SOX21: variants seen among roughly 807,000 people sequenced by gnomAD.
The protein encoded by SOX21 is SRY-box transcription factor 21.
For synonymous variants in SOX21, 237 were observed against 189.7 expected (o/e 1.25, Z -2.05); for missense variants, 370 against 388.8 (o/e 0.95, Z 0.41).
Position 94,711,688 on chromosome 13 carries a change from GC to G in SOX21, c.361del (p.Ala121ArgfsTer115). 2 of 1,470,984 alleles carry G rather than the reference GC, an allele frequency of 1.4e-6. No individual in the cohort carries two copies. Among genetic ancestry groups the G allele is most frequent in the Non-Finnish European group, 1.8e-6 (2 of 1,114,282 alleles). The allele number at this position is 1,470,984 out of a possible 1,614,324, so 91.1% of individuals were successfully genotyped here. ...LKAGAGLHAG[A>X]GGGLVPESLL... The stretch of plus-strand genomic sequence containing the variant: ...CGACTCAGGCACCAGGCCGCCGCCC[GC>G]CCCCGCGTGCAGCCCGGCGCCCGCC... On this transcript the variant is annotated frameshift_variant, in exon 1 of 1. Transcript: ENST00000376945. LOFTEE classifies it low-confidence loss of function (END_TRUNC).
In SOX21 at chr13:94,711,021, G is replaced by T; in HGVS notation, c.*198C>A. On this transcript the variant is annotated 3_prime_UTR_variant, in exon 1 of 1. Transcript: ENST00000376945. ...CTGAAATGATCCTGCGAATTCACAG[G>T]CCTGCTCGCCCGCGCCCTTGCGCGC... 2.3e-6 allele frequency: 1 copy of T among 436,932 alleles called. No individual in the cohort carries two copies. The highest frequency in any genetic ancestry group is 3.8e-6 in the Non-Finnish European group (1 of 263,852). 27.1% of individuals were successfully genotyped at this position (436,932 alleles called of 1,614,324 possible).
rs1459441512 is a variant in SOX21, at chr13:94,710,105, A to G, written c.*1114T>C. 1.3e-5 allele frequency: 2 copies of G among 152,212 alleles called. No homozygotes were observed. Among genetic ancestry groups the G allele is most frequent in the East Asian group, 3.8e-4 (2 of 5,196 alleles). 9.4% of individuals were successfully genotyped at this position (152,212 alleles called of 1,614,324 possible). ...TTCAGTTTTGCTAAATAATAAATATATAATTACCAGACAAAAAAGTCTGAT... is the reference window on the plus strand; with the variant it reads ...TTCAGTTTTGCTAAATAATAAATATGTAATTACCAGACAAAAAAGTCTGAT... On this transcript the variant is annotated 3_prime_UTR_variant, in exon 1 of 1. Transcript: ENST00000376945.
In SOX21 at chr13:94,709,677, C is replaced by G. The variant is rs147081694; in HGVS notation, c.*1542G>C. Reference sequence around the variant, plus strand: ...AAACTCTTTGTTCAAAAAAAATGAACAGAGTGATAGTCGGATTCTAATTTA... The same window carrying G: ...AAACTCTTTGTTCAAAAAAAATGAAGAGAGTGATAGTCGGATTCTAATTTA... On this transcript the variant is annotated 3_prime_UTR_variant, in exon 1 of 1. Transcript: ENST00000376945. 6.5e-4 allele frequency: 100 copies of G among 152,682 alleles called. No homozygotes were observed. The highest frequency in any genetic ancestry group is 1.5e-3 in the East Asian group (8 of 5,186). The allele number at this position is 152,682 out of a possible 1,614,324, so 9.5% of individuals were successfully genotyped here.
In SOX21 at chr13:94,710,340, C is replaced by A. The variant is rs1875199352; in HGVS notation, c.*879G>T. The stretch of plus-strand genomic sequence containing the variant: ...GCCATAAGGGAAAATAGGAGCAGTG[C>A]CTTTTTCCTTTTTTGTAAACTGTGT... On this transcript the variant is annotated 3_prime_UTR_variant, in exon 1 of 1. Coordinates refer to ENST00000376945, the MANE Select transcript of SOX21 (RefSeq NM_007084.4). 6.6e-6 allele frequency: 1 copy of A among 152,610 alleles called. No individual in the cohort carries two copies. The highest frequency in any genetic ancestry group is 2.4e-5 in the African/African-American group (1 of 41,434). 9.5% of individuals were successfully genotyped at this position (152,610 alleles called of 1,614,324 possible). A position where few individuals can be genotyped will look rare whatever the true frequency, so the allele number is the denominator to read the frequency against.
At position 94,711,548 on chromosome 13, in the gene SOX21, T is replaced by G. The variant is rs1875248635; in HGVS notation, c.502A>C (p.Ser168Arg). 8.0e-6 allele frequency: 8 copies of G among 998,778 alleles called. No individual in the cohort carries two copies. The highest frequency in any genetic ancestry group is 4.3e-5 in the South Asian group (1 of 23,284). The allele number at this position is 998,778 out of a possible 1,614,324, so 61.9% of individuals were successfully genotyped here. The change falls in exon 1 of 1, where the codon AGC becomes CGC. Residue 168 changes from serine (S) to arginine (R), a missense_variant. Ser to Arg is a moderately radical substitution (Grantham distance 110). Transcript: ENST00000376945. ...AAAAAAAAAG[S>R]PYSLLDLGSK... The stretch of plus-strand genomic sequence containing the variant: ...CCCAGGTCGAGCAGCGAGTAGGGGC[T>G]GCCCGCGGCGGCGGCGGCGGCGGCA...
Position 94,711,504 on chromosome 13 carries a change from G to A in SOX21, c.546C>T (p.Ile182=). The part of the protein sequence containing the change: ...LLDLGSKMAE[I]SSSSSGLPYA... Reference sequence around the variant, plus strand: ...ACGGGAGGCCGGACGAGGACGACGAGATCTCTGCCATTTTGGAGCCCAGGT... The same window carrying A: ...ACGGGAGGCCGGACGAGGACGACGAAATCTCTGCCATTTTGGAGCCCAGGT... The change falls in exon 1 of 1, where the codon ATC becomes ATT. Residue 182 remains isoleucine, a synonymous_variant. Coordinates refer to ENST00000376945, the MANE Select transcript of SOX21 (RefSeq NM_007084.4). The A allele has an allele frequency of 9.7e-7, 1 of 1,033,120 alleles. No homozygotes were observed. The highest frequency in any genetic ancestry group is 1.2e-6 in the Non-Finnish European group (1 of 852,596). 64.0% of individuals were successfully genotyped at this position (1,033,120 alleles called of 1,614,324 possible).
rs751174233 is a variant in SOX21, at chr13:94,711,836, G to A, written c.214C>T (p.His72Tyr). 1 of 1,613,972 alleles carries A rather than the reference G, an allele frequency of 6.2e-7. No individual in the cohort carries two copies. The change falls in exon 1 of 1, where the codon CAC becomes TAC. Residue 72 changes from histidine to tyrosine, a missense_variant. Coordinates refer to ENST00000376945, the MANE Select transcript of SOX21 (RefSeq NM_007084.4). Reference sequence around the variant, plus strand: ...CGCGGCCGGTACTTGTAGTCGGGGTGCTCCTTCATGTGCATGGCGCGTAGA... The same window carrying A: ...CGCGGCCGGTACTTGTAGTCGGGGTACTCCTTCATGTGCATGGCGCGTAGA... The part of the protein sequence containing the change: ...KRLRAMHMKE[H>Y]PDYKYRPRRK...
rs1160138288 is a variant in SOX21 at position 94,712,061 on chromosome 13, G to A, written c.-12C>T. 5 of 1,609,632 alleles carry A rather than the reference G, an allele frequency of 3.1e-6. No individual in the cohort carries two copies. The Admixed American group carries it at 5.0e-5, about 16-fold the overall frequency. ...ACCGGCTTGGACATGCTCTCGCCCT[G>A]CCGCGGCTGCAGCCCGCCGCCTCCC... On this transcript the variant is annotated 5_prime_UTR_variant, in exon 1 of 1. Transcript: ENST00000376945. This position sits in a 1 kb window ranked among gnomAD's most constrained non-coding sequence, Gnocchi z 5.0.
In SOX21 at chr13:94,712,451, A is replaced by C. The variant is rs1942173554; in HGVS notation, c.-402T>G. On this transcript the variant is annotated 5_prime_UTR_variant, in exon 1 of 1. Transcript: ENST00000376945. This position sits in a 1 kb window ranked among gnomAD's most constrained non-coding sequence, Gnocchi z 5.0. ...TCTCTTAAATGCAAAGCGTCCCCAA[A>C]AGTTGCGTCGCGGAGACTCCTCGAA... 22 of 988,180 alleles carry C rather than the reference A, an allele frequency of 2.2e-5. No homozygotes were observed. Among genetic ancestry groups the C allele is most frequent in the Non-Finnish European group, 2.5e-5 (21 of 833,032 alleles). 61.2% of individuals were successfully genotyped at this position (988,180 alleles called of 1,614,324 possible). A position where few individuals can be genotyped will look rare whatever the true frequency, so the allele number is the denominator to read the frequency against.
Position 94,711,333 on chromosome 13 carries a change from G to A in SOX21, c.717C>T (p.Asn239=), listed in dbSNP as rs757259113. ...PGNPGYMIPC[N]CSAWPSPGLQ... ...GCCCGGGGCTGGGCCACGCGCTGCAGTTGCACGGGATCATGTAGCCCGGGT... is the reference window on the plus strand; with the variant it reads ...GCCCGGGGCTGGGCCACGCGCTGCAATTGCACGGGATCATGTAGCCCGGGT... Residue 239 remains asparagine, a synonymous_variant, in exon 1 of 1, where the codon AAC becomes AAT. Coordinates refer to ENST00000376945, the MANE Select transcript of SOX21 (RefSeq NM_007084.4). The A allele has an allele frequency of 2.5e-5, 33 of 1,301,304 alleles. No homozygotes were observed. The East Asian group carries it at 9.7e-4, about 38-fold the overall frequency. The allele number at this position is 1,301,304 out of a possible 1,614,324, so 80.6% of individuals were successfully genotyped here. A position where few individuals can be genotyped will look rare whatever the true frequency, so the allele number is the denominator to read the frequency against.
Position 94,712,124 on chromosome 13 carries a change from C to A in SOX21, c.-75G>T. ...TCGGCCCGGAGGAAATCAATGTTGG[C>A]TGCCCGCGGAGACCCGCTCGGCCGG... is the stretch of plus-strand genomic sequence containing the variant. On this transcript the variant is annotated 5_prime_UTR_variant, in exon 1 of 1. Coordinates refer to ENST00000376945, the MANE Select transcript of SOX21 (RefSeq NM_007084.4). This position sits in a 1 kb window ranked among gnomAD's most constrained non-coding sequence, Gnocchi z 5.0. 1 of 1,515,270 alleles carries A rather than the reference C, an allele frequency of 6.6e-7. No homozygotes were observed. Among genetic ancestry groups the A allele is most frequent in the Non-Finnish European group, 8.8e-7 (1 of 1,133,928 alleles). 93.9% of individuals were successfully genotyped at this position (1,515,270 alleles called of 1,614,324 possible).
rs1875198212 is a variant in SOX21, at chr13:94,710,287, A to T, written c.*932T>A. On this transcript the variant is annotated 3_prime_UTR_variant, in exon 1 of 1. Transcript: ENST00000376945. Reference sequence around the variant, plus strand: ...AGCCTCAATGTTTTCACTGACATATACACATTTACAATCTTAAGGTGAACT... The same window carrying T: ...AGCCTCAATGTTTTCACTGACATATTCACATTTACAATCTTAAGGTGAACT... 1 of 152,646 alleles carries T rather than the reference A, an allele frequency of 6.6e-6. No individual in the cohort carries two copies. The highest frequency in any genetic ancestry group is 2.4e-5 in the African/African-American group (1 of 41,458). 9.5% of individuals were successfully genotyped at this position (152,646 alleles called of 1,614,324 possible).
In SOX21 at chr13:94,709,689, C is replaced by T. The variant is rs1052992657; in HGVS notation, c.*1530G>A. ...CAAAAAAAATGAACAGAGTGATAGT[C>T]GGATTCTAATTTACAGATATACCTT... is the stretch of plus-strand genomic sequence containing the variant. On this transcript the variant is annotated 3_prime_UTR_variant, in exon 1 of 1. Coordinates refer to ENST00000376945, the MANE Select transcript of SOX21 (RefSeq NM_007084.4). 1.6e-4 allele frequency: 24 copies of T among 152,492 alleles called. No homozygotes were observed. The highest frequency in any genetic ancestry group is 5.6e-4 in the African/African-American group (23 of 41,386). The allele number at this position is 152,492 out of a possible 1,614,324, so 9.4% of individuals were successfully genotyped here.
rs1875231674 is a variant in SOX21 at position 94,711,311 on chromosome 13, C to T, written c.739G>A (p.Gly247Arg). 1 of 1,329,708 alleles carries T rather than the reference C, an allele frequency of 7.5e-7. No homozygotes were observed. The highest frequency in any genetic ancestry group is 9.6e-7 in the Non-Finnish European group (1 of 1,046,192). The allele number at this position is 1,329,708 out of a possible 1,614,324, so 82.4% of individuals were successfully genotyped here. A position where few individuals can be genotyped will look rare whatever the true frequency, so the allele number is the denominator to read the frequency against. Residue 247 changes from glycine (G) to arginine (R), a missense_variant, in exon 1 of 1, where the codon GGG becomes AGG. By Grantham distance (125) the Gly-to-Arg change is moderately radical. Coordinates refer to ENST00000376945, the MANE Select transcript of SOX21 (RefSeq NM_007084.4). The part of the protein sequence containing the change: ...PCNCSAWPSP[G>R]LQPPLAYILL... ...ATGTAGGCGAGCGGCGGCTGCAGCC[C>T]GGGGCTGGGCCACGCGCTGCAGTTG...
Position 94,711,467 on chromosome 13 carries a change from G to T in SOX21, c.583C>A (p.Leu195Met). 1 of 1,043,108 alleles carries T rather than the reference G, an allele frequency of 9.6e-7. No homozygotes were observed. The highest frequency in any genetic ancestry group is 8.0e-5 in the East Asian group (1 of 12,506). 64.6% of individuals were successfully genotyped at this position (1,043,108 alleles called of 1,614,324 possible). Residue 195 changes from leucine to methionine, a missense_variant, in exon 1 of 1, where the codon CTG becomes ATG. Physicochemically the swap from Leu to Met is conservative, Grantham distance 15. Transcript: ENST00000376945. ...CCCGCGCCCGCGGTCGGGTAGCCCAGCGACGACGCGTACGGGAGGCCGGAC... is the reference window on the plus strand; with the variant it reads ...CCCGCGCCCGCGGTCGGGTAGCCCATCGACGACGCGTACGGGAGGCCGGAC... ...SSSGLPYASS[L>M]GYPTAGAGAF...
rs1269802467 is a variant in SOX21 at position 94,709,777 on chromosome 13, C to T, written c.*1442G>A. On this transcript the variant is annotated 3_prime_UTR_variant, in exon 1 of 1. Transcript: ENST00000376945. ...ATCATTTACACATAAAGGTTAAAAC[C>T]ATATTTAAAATTTTAAAAACTTTAT... The T allele has an allele frequency of 6.6e-6, 1 of 152,472 alleles. No individual in the cohort carries two copies. Among genetic ancestry groups the T allele is most frequent in the Non-Finnish European group, 1.5e-5 (1 of 68,000 alleles). The allele number at this position is 152,472 out of a possible 1,614,324, so 9.4% of individuals were successfully genotyped here.
rs1021966697 is a variant in SOX21, at chr13:94,712,198, TGG to T, written c.-151_-150del. ...TCGCTCCCGCCCCGGAGGAGGGGGC[TGG>T]GGGACCAGCCCAGGGCCACGCCGCG... On this transcript the variant is annotated 5_prime_UTR_variant, in exon 1 of 1. Coordinates refer to ENST00000376945, the MANE Select transcript of SOX21 (RefSeq NM_007084.4). This position sits in a 1 kb window ranked among gnomAD's most constrained non-coding sequence, Gnocchi z 5.0. 148 of 1,363,670 alleles carry T rather than the reference TGG, an allele frequency of 1.1e-4. No individual in the cohort carries two copies. The African/African-American group carries it at 2.2e-3, about 20-fold the overall frequency. 84.5% of individuals were successfully genotyped at this position (1,363,670 alleles called of 1,614,324 possible).
Position 94,710,932 on chromosome 13 carries a change from A to G in SOX21, c.*287T>C. 1 of 321,138 alleles carries G rather than the reference A, an allele frequency of 3.1e-6. No individual in the cohort carries two copies. The highest frequency in any genetic ancestry group is 5.7e-6 in the Non-Finnish European group (1 of 176,490). 19.9% of individuals were successfully genotyped at this position (321,138 alleles called of 1,614,324 possible). On this transcript the variant is annotated 3_prime_UTR_variant, in exon 1 of 1. Transcript: ENST00000376945. ...AAAACGCAACAGGTTCCGAAGTGCA[A>G]AGCAAACGCCAACTGCTGCCGCACA...
chr13:94,711,681 G>T lies in SOX21; in HGVS notation c.369C>A (p.Gly123=), dbSNP rs1411659443. ...CGAGCAGCGACTCAGGCACCAGGCC[G>T]CCGCCCGCCCCCGCGTGCAGCCCGG... The part of the protein sequence containing the change: ...AGAGLHAGAG[G]GLVPESLLAN... The change falls in exon 1 of 1, where the codon GGC becomes GGA. Residue 123 remains glycine, a synonymous_variant. Coordinates refer to ENST00000376945, the MANE Select transcript of SOX21 (RefSeq NM_007084.4). 5 of 1,480,456 alleles carry T rather than the reference G, an allele frequency of 3.4e-6. No individual in the cohort carries two copies. Among genetic ancestry groups the T allele is most frequent in the Non-Finnish European group, 3.6e-6 (4 of 1,120,688 alleles). 91.7% of individuals were successfully genotyped at this position (1,480,456 alleles called of 1,614,324 possible).
Sources: allele counts gnomAD v4.1 joint callset, GRCh38; gene constraint gnomAD v4.1.1; non-coding constraint Gnocchi (gnomAD v3.1); transcripts MANE v1.5; gene names NCBI Gene and HGNC (gene_info 2026-07-23, HGNC 2026-07-21).